Variants in TFCP2L1 observed in about 807,000 individuals in gnomAD.
The protein encoded by TFCP2L1 is transcription factor CP2-like protein 1.
Under a neutral mutation model 72.2 loss-of-function variants are expected in TFCP2L1, and 12 were observed. The observed-to-expected ratio is 0.17, with a 90% CI of 0.11 to 0.27. The LOEUF (loss-of-function observed/expected upper bound fraction) is 0.27. TFCP2L1 is among the 10% of genes least tolerant of loss of function. The pLI is 1.00. For missense variants in TFCP2L1, 488 were observed against 624.6 expected, an observed-to-expected ratio of 0.78 and a Z score of 2.33; for synonymous variants, 260 against 251.0, an observed-to-expected ratio of 1.04 and a Z score of -0.34.
intron 1 of TFCP2L1, among the ~76,000 whole-genome samples, chr2:121,284,048 T>A (rs1381355069): frequency 6.6e-6 from 1 of 152,214 alleles, no homozygotes; most frequent in African/African-American, 2.4e-5. Context: ...GACAAATACC[T>A]ACCAGCAGCC....
At position 121,240,833 on chromosome 2, in the gene TFCP2L1, G is replaced by A. The variant is rs145104939; in HGVS notation, c.769-1184C>T. The A allele has an allele frequency of 4.7e-5, 37 of 782,676 alleles. No homozygotes were observed. The South Asian group carries it at 9.3e-4, about 20-fold the overall frequency. 48.5% of individuals were successfully genotyped at this position (782,676 alleles called of 1,614,324 possible). A position where few individuals can be genotyped will look rare whatever the true frequency, so the allele number is the denominator to read the frequency against. On this transcript the variant is annotated intron_variant, in intron 7 of 14. Coordinates refer to ENST00000263707, the MANE Select transcript of TFCP2L1 (RefSeq NM_014553.3). ...GCATCCTGCCACTCCTTTGCGGGCCGTGGGGGAGGCAGGTGACTGACCTTC... is the reference window on the plus strand; with the variant it reads ...GCATCCTGCCACTCCTTTGCGGGCCATGGGGGAGGCAGGTGACTGACCTTC...
At chr2:121,275,772 C>T (rs184820029) in intron 2 of TFCP2L1, among the ~76,000 whole-genome samples, 3 of 152,166 alleles carry the variant, frequency 2.0e-5, no homozygotes, top group East Asian at 3.9e-4. Context: ...GGTTTCACCC[C>T]GTTGGCCAGG....
chr2:121,243,618 T>C (rs1686423648), intron 6 of TFCP2L1, among the ~76,000 whole-genome samples: 1 of 152,148 alleles, frequency 6.6e-6, no homozygotes, highest in African/African-American at 2.4e-5. Context: ...CAGTGGCGGA[T>C]TTAGATCCTC....
intron 7 of TFCP2L1, chr2:121,240,132 G>A (rs1686337821): frequency 2.0e-6 from 2 of 985,200 alleles, no homozygotes; most frequent in Non-Finnish European, 2.4e-6. Context: ...TCTGCTGACA[G>A]GGGCGGAGGC....
chr2:121,230,320 C>T (rs956758950), intron 13 of TFCP2L1, among the ~76,000 whole-genome samples: 1 of 152,156 alleles, frequency 6.6e-6, no homozygotes, highest in African/African-American at 2.4e-5. Context: ...TACAGGCATG[C>T]ACCACCATGC....
At chr2:121,237,093 A>G (rs1333351850) in intron 10 of TFCP2L1, among the ~76,000 whole-genome samples, 1 of 152,166 alleles carries the variant, frequency 6.6e-6, no homozygotes, top group Non-Finnish European at 1.5e-5. Flanking sequence ...CTACTTGGTG[A>G]CAAGGCTCAC....
At chr2:121,241,670 G>A (rs1243727783) in intron 7 of TFCP2L1, among the ~76,000 whole-genome samples, 1 of 152,106 alleles carries the variant, frequency 6.6e-6, no homozygotes, top group Non-Finnish European at 1.5e-5. Context: ...CACTGAGAAT[G>A]GAAACCTGCC....
rs1396186568 is a variant in TFCP2L1 at position 121,219,924 on chromosome 2, C to G, written c.*4417G>C. ...AAAGAGACTCATACTGAGCGAGGGT[C>G]TGGGATCTAGGACCCTGACTCTGGG... is the stretch of plus-strand genomic sequence containing the variant. On this transcript the variant is annotated 3_prime_UTR_variant, in exon 15 of 15. Coordinates refer to ENST00000263707, the MANE Select transcript of TFCP2L1 (RefSeq NM_014553.3). 6.6e-6 allele frequency: 1 copy of G among 152,144 alleles called. No homozygotes were observed. Among genetic ancestry groups the G allele is most frequent in the African/African-American group, 2.4e-5 (1 of 41,424 alleles). The allele number at this position is 152,144 out of a possible 1,614,324, so 9.4% of individuals were successfully genotyped here.
chr2:121,231,732 T>C, intron 13 of TFCP2L1, 94 bp downstream of exon 13: 1 of 1,535,456 alleles, frequency 6.5e-7, no homozygotes, highest in Non-Finnish European at 8.8e-7. Context: ...TGTCTGTCAC[T>C]CCCAAACCCA....
intron 2 of TFCP2L1, among the ~76,000 whole-genome samples, chr2:121,252,849 C>A (rs1044079922): frequency 1.3e-5 from 2 of 152,174 alleles, no homozygotes; most frequent in Admixed American, 6.6e-5. Context: ...CCCACCCTCA[C>A]CAAAGAATAA....
At chr2:121,251,169 T>A (rs566578924) in intron 2 of TFCP2L1, among the ~76,000 whole-genome samples, 50 of 151,696 alleles carry the variant, frequency 3.3e-4, no homozygotes, top group South Asian at 1.0e-3. Context: ...GACAGGAGAA[T>A]CACTTGAACC....
intron 13 of TFCP2L1, among the ~76,000 whole-genome samples, chr2:121,228,149 G>T (rs1353534945): frequency 2.6e-5 from 4 of 152,210 alleles, no homozygotes; most frequent in Non-Finnish European, 4.4e-5. Context: ...AATGAGAATC[G>T]CCTACTTAGG....
At chr2:121,239,780 C>T in intron 7 of TFCP2L1, 131 bp from the exon 8 acceptor site, 1 of 924,514 alleles carries the variant, frequency 1.1e-6, no homozygotes, top group Non-Finnish European at 1.6e-6. Context: ...CCTGCGTTTA[C>T]CCAGTGCCCA....
chr2:121,238,847 G>C (rs1295089095), intron 8 of TFCP2L1, among the ~76,000 whole-genome samples: 1 of 152,046 alleles, frequency 6.6e-6, no homozygotes, highest in East Asian at 1.9e-4. Context: ...GTAAAATCAA[G>C]TTCACAGACA....
In TFCP2L1 at chr2:121,218,466, G is replaced by A. The variant is rs913838959; in HGVS notation, c.*5875C>T. 2 of 152,442 alleles carry A rather than the reference G, an allele frequency of 1.3e-5. No individual in the cohort carries two copies. Among genetic ancestry groups the A allele is most frequent in the Non-Finnish European group, 2.9e-5 (2 of 68,218 alleles). 9.4% of individuals were successfully genotyped at this position (152,442 alleles called of 1,614,324 possible). A position where few individuals can be genotyped will look rare whatever the true frequency, so the allele number is the denominator to read the frequency against. On this transcript the variant is annotated 3_prime_UTR_variant, in exon 15 of 15. Coordinates refer to ENST00000263707, the MANE Select transcript of TFCP2L1 (RefSeq NM_014553.3). The stretch of plus-strand genomic sequence containing the variant: ...TACAGGATGAGGGGTGCGGAGCTGA[G>A]GATGTTGTTCTCTTTGATGAAGGCC...
At chr2:121,231,517 C>T (rs1035375776) in intron 13 of TFCP2L1, among the ~76,000 whole-genome samples, 7 of 152,250 alleles carry the variant, frequency 4.6e-5, no homozygotes, top group Non-Finnish European at 1.0e-4. Context: ...CCTGGGGGAA[C>T]GCCCCTCTCC....
At position 121,231,834 on chromosome 2, in the gene TFCP2L1, T is replaced by G. The variant is rs775965334; in HGVS notation, c.1333A>C (p.Ser445Arg). 3 of 1,612,916 alleles carry G rather than the reference T, an allele frequency of 1.9e-6. No individual in the cohort carries two copies. The highest frequency in any genetic ancestry group is 2.5e-6 in the Non-Finnish European group (3 of 1,179,412). ...CAGGCAGCAGCCCTCACCTCGTTGC[T>G]CACCACCACATGGATGCCCGTGGGG... The part of the protein sequence containing the change: ...QGPTGIHVVV[S>R]NEMVQNFQDE... Residue 445 changes from serine to arginine, a missense_variant, in exon 13 of 15, where the codon AGC becomes CGC. Ser to Arg is a moderately radical substitution (Grantham distance 110, BLOSUM62 -1). Transcript: ENST00000263707.
intron 1 of TFCP2L1, among the ~76,000 whole-genome samples, chr2:121,282,284 T>C (rs1687278890): frequency 6.7e-6 from 1 of 149,134 alleles, no homozygotes; most frequent in Non-Finnish European, 1.5e-5. Context: ...GCTCCAAGTT[T>C]CTTTTCCTCC....
Position 121,244,036 on chromosome 2 carries a change from TC to T in TFCP2L1, c.658-1568del, listed in dbSNP as rs1239308682. ...GTCACACAGGGATGTGCGCAACAGA[TC>T]CAGCGTCCCGGGTAAGAGTGTGGTG... On this transcript the variant is annotated intron_variant, in intron 6 of 14. Transcript: ENST00000263707. Among the ~76,000 whole-genome samples the T allele has an allele frequency of 2.0e-5, 3 of 152,118 alleles. No homozygotes were observed. In the South Asian group the frequency reaches 6.2e-4, roughly 32 times the overall value.
Sources: allele counts gnomAD v4.1 joint callset (sites outside exome capture counted in the v4.1 genomes callset), GRCh38; gene constraint gnomAD v4.1.1; transcripts MANE v1.5; gene names NCBI Gene and HGNC (gene_info 2026-07-23, HGNC 2026-07-21).